The following SPAG16 variants were observed in gnomAD, a reference collection of about 807,000 sequenced individuals.
SPAG16 encodes sperm associated antigen 16, also known as sperm-associated antigen 16 protein.
Under a neutral mutation model 80.4 loss-of-function variants are expected in SPAG16, and 86 were observed. That is an observed-to-expected ratio of 1.07 (90% confidence interval 0.90 to 1.28). The LOEUF is 1.28. Ranked by LOEUF, SPAG16 falls within the 50% of genes most tolerant of loss-of-function variation. SPAG16 has a pLI of 0.00. For missense variants in SPAG16, 870 were observed against 765.3 expected (o/e 1.14, Z -1.61); for synonymous variants, 294 against 265.9 (o/e 1.11, Z -1.03).
At chr2:213,482,802 A>AT (rs930744365) in intron 9 of SPAG16, among the ~76,000 whole-genome samples, 2 of 152,158 alleles carry the variant, frequency 1.3e-5, no homozygotes, top group African/African-American at 4.8e-5. Flanking sequence ...GGCAAAGCCC[A>AT]TTTATGCTAG....
At chr2:214,369,969 A>T (rs7423982) in intron 15 of SPAG16, among the ~76,000 whole-genome samples, 1 of 152,054 alleles carries the variant, frequency 6.6e-6, no homozygotes, top group South Asian at 2.1e-4. Flanking sequence ...CACCTCAGTA[A>T]TGAATGTTGA....
intron 10 of SPAG16, among the ~76,000 whole-genome samples, chr2:213,857,717 A>G (rs1451484770): frequency 6.6e-6 from 1 of 152,336 alleles, no homozygotes; most frequent in African/African-American, 2.4e-5. Flanking sequence ...TCAACTTTCA[A>G]TTCTTATTTT....
chr2:214,095,488 C>G lies in SPAG16; in HGVS notation c.1528-12708C>G, dbSNP rs554250040. 3.3e-5 allele frequency among the ~76,000 whole-genome samples: 5 copies of G among 152,168 alleles called. No individual in the cohort carries two copies. In the South Asian group the frequency reaches 1.0e-3, roughly 32 times the overall value. ...TTTGGATTTAAATATGCTATTAACT[C>G]TAGTAGTGTATTTGACACTTAGTTA... On this transcript the variant is annotated intron_variant, in intron 13 of 15. Coordinates refer to ENST00000331683, the MANE Select transcript of SPAG16 (RefSeq NM_024532.5).
intron 3 of SPAG16, among the ~76,000 whole-genome samples, chr2:213,309,271 C>G (rs114883076): frequency 4.3e-4 from 65 of 152,100 alleles, no homozygotes; most frequent in Middle Eastern, 3.4e-3. Context: ...AATATGTAAA[C>G]AAATGGGCAT....
intron 10 of SPAG16, among the ~76,000 whole-genome samples, chr2:213,515,242 C>T (rs1477251846): frequency 1.3e-5 from 2 of 152,108 alleles, no homozygotes; most frequent in South Asian, 2.1e-4. Flanking sequence ...GACTCAGTAG[C>T]CCCTACTGAT....
chr2:213,647,273 T>C (rs1348774701), intron 10 of SPAG16, among the ~76,000 whole-genome samples: 2 of 152,188 alleles, frequency 1.3e-5, no homozygotes, highest in South Asian at 2.1e-4. Context: ...GTTATGACAG[T>C]ATCATGCATA....
At chr2:213,630,332 C>T (rs886141466) in intron 10 of SPAG16, among the ~76,000 whole-genome samples, 7 of 150,794 alleles carry the variant, frequency 4.6e-5, no homozygotes, top group Non-Finnish European at 7.4e-5. Flanking sequence ...TGCAGTGAGC[C>T]GAGATTGCAC....
At chr2:214,280,610 A>G in intron 15 of SPAG16, 1 of 234,632 alleles carries the variant, frequency 4.3e-6, no homozygotes, top group Non-Finnish European at 8.7e-6. Context: ...TCTTTCTGAA[A>G]AATCTTCATA....
At chr2:213,688,619 T>A (rs2064800437) in intron 10 of SPAG16, among the ~76,000 whole-genome samples, 1 of 152,160 alleles carries the variant, frequency 6.6e-6, no homozygotes, top group Non-Finnish European at 1.5e-5. Context: ...AGGGCATGAC[T>A]CCCCAGATCC....
chr2:213,934,436 G>A (rs1468233125), intron 12 of SPAG16, among the ~76,000 whole-genome samples: 4 of 152,192 alleles, frequency 2.6e-5, no homozygotes, highest in Admixed American at 2.0e-4. Context: ...CATGAACTGT[G>A]AGACATGCAG....
intron 1 of SPAG16, among the ~76,000 whole-genome samples, chr2:213,285,472 T>G (rs1421875366): frequency 6.6e-6 from 1 of 152,200 alleles, no homozygotes; most frequent in African/African-American, 2.4e-5. Context: ...GAGATGATTA[T>G]CTGTTCAGTT....
intron 11 of SPAG16, among the ~76,000 whole-genome samples, chr2:213,872,058 T>G (rs1233665464): frequency 6.6e-6 from 1 of 152,136 alleles, no homozygotes; most frequent in Non-Finnish European, 1.5e-5. Flanking sequence ...TATGACAAAG[T>G]GCCATTAAAG....
chr2:214,047,721 C>A (rs141675870), intron 13 of SPAG16, among the ~76,000 whole-genome samples: 1 of 152,018 alleles, frequency 6.6e-6, no homozygotes, highest in Non-Finnish European at 1.5e-5. Context: ...AAGCTTCTAC[C>A]CAGCAAAGGA....
intron 12 of SPAG16, among the ~76,000 whole-genome samples, chr2:213,970,946 A>G (rs544697422): frequency 5.9e-5 from 9 of 152,164 alleles, no homozygotes; most frequent in African/African-American, 2.2e-4. Context: ...TATTAATGTT[A>G]TACTTGTTTT....
At chr2:214,253,840 G>A (rs1490801876) in intron 15 of SPAG16, among the ~76,000 whole-genome samples, 1 of 152,118 alleles carries the variant, frequency 6.6e-6, no homozygotes, top group Non-Finnish European at 1.5e-5. Flanking sequence ...GTTCTGTGAG[G>A]AAAGTCAATG....
chr2:213,358,178 C>T (rs570807413), intron 7 of SPAG16, among the ~76,000 whole-genome samples: 10 of 152,108 alleles, frequency 6.6e-5, no homozygotes, highest in Non-Finnish European at 1.5e-4. Flanking sequence ...CTCTCTCTGG[C>T]GGCCCTTAAC....
intron 15 of SPAG16, among the ~76,000 whole-genome samples, chr2:214,405,127 T>TTTTG (rs1193056625): frequency 1.3e-5 from 2 of 151,948 alleles, no homozygotes; most frequent in African/African-American, 4.8e-5. Context: ...TTTGCTTATT[T>TTTTG]TTTGTTATTA....
chr2:214,047,673 G>A (rs910545551), intron 13 of SPAG16, among the ~76,000 whole-genome samples: 7 of 152,226 alleles, frequency 4.6e-5, no homozygotes, highest in Non-Finnish European at 8.8e-5. Flanking sequence ...AAAGGCAAGC[G>A]AAGCAAACAT....
chr2:213,768,237 A>G (rs1336125768), intron 10 of SPAG16, among the ~76,000 whole-genome samples: 2 of 152,216 alleles, frequency 1.3e-5, no homozygotes, highest in Admixed American at 6.5e-5. Context: ...GGAGCTAGAA[A>G]AAAGAGATAA....
Sources: allele counts gnomAD v4.1 joint callset (sites outside exome capture counted in the v4.1 genomes callset), GRCh38; gene constraint gnomAD v4.1.1; transcripts MANE v1.5; gene names NCBI Gene and HGNC (gene_info 2026-07-23, HGNC 2026-07-21).